Variants in CCSAP observed in about 807,000 individuals in gnomAD.
CCSAP encodes centriole, cilia and spindle-associated protein.
A neutral mutation model predicts 25.9 loss-of-function variants in CCSAP; 17 were observed. That is an observed-to-expected ratio of 0.66 (90% CI 0.45 to 0.99). The LOEUF is 0.99. Ranked by LOEUF, CCSAP falls within the 50% of genes least tolerant of loss-of-function variation. The pLI is 0.00. For missense variants in CCSAP, 339 were observed against 367.8 expected, an observed-to-expected ratio of 0.92 and a Z score of 0.64; for synonymous variants, 169 against 157.1, an observed-to-expected ratio of 1.08 and a Z score of -0.57.
chr1:229,331,795 T>TATC (rs2102694662), intron 2 of CCSAP, among the ~76,000 whole-genome samples: 1 of 95,306 alleles, frequency 1.0e-5, no homozygotes, highest in Admixed American at 9.1e-5. Context: ...CTTTTATTAT[T>TATC]ATTATTATTA....
intron 2 of CCSAP, among the ~76,000 whole-genome samples, chr1:229,339,589 C>A (rs1658282532): frequency 6.6e-6 from 1 of 151,978 alleles, no homozygotes; most frequent in African/African-American, 2.4e-5. Context: ...AAGAGAGAAG[C>A]CAAGAAAGGT....
Position 229,322,813 on chromosome 1 carries a change from TTTAA to T in CCSAP, c.*2418_*2421del, listed in dbSNP as rs1170685013. On this transcript the variant is annotated 3_prime_UTR_variant, in exon 4 of 4. Coordinates refer to ENST00000284617, the MANE Select transcript of CCSAP (RefSeq NM_145257.5). ...TCAAAAAGCATATTTATGACATTGT[TTTAA>T]TTAAGTTAAAATCAAAATTTTAAAA... is the stretch of plus-strand genomic sequence containing the variant. 4 of 152,354 alleles carry T rather than the reference TTTAA, an allele frequency of 2.6e-5. No homozygotes were observed. Among genetic ancestry groups the T allele is most frequent in the South Asian group, 4.1e-4 (2 of 4,826 alleles). 9.4% of individuals were successfully genotyped at this position (152,354 alleles called of 1,614,324 possible).
rs1332069751 is a variant in CCSAP, at chr1:229,321,107, C to T, written c.*4128G>A. 2 of 152,128 alleles carry T rather than the reference C, an allele frequency of 1.3e-5. No homozygotes were observed. Among genetic ancestry groups the T allele is most frequent in the East Asian group, 1.9e-4 (1 of 5,198 alleles). 9.4% of individuals were successfully genotyped at this position (152,128 alleles called of 1,614,324 possible). On this transcript the variant is annotated 3_prime_UTR_variant, in exon 4 of 4. Coordinates refer to ENST00000284617, the MANE Select transcript of CCSAP (RefSeq NM_145257.5). ...ACATAGTTCTTAGAAAATACAACCC[C>T]GAATTATTGTGTGGCCTGGGCTTTG...
At position 229,342,118 on chromosome 1, in the gene CCSAP, C is replaced by T. The variant is rs756375007; in HGVS notation, c.348G>A (p.Ala116=). The T allele has an allele frequency of 1.6e-5, 22 of 1,347,660 alleles. No individual in the cohort carries two copies. The highest frequency in any genetic ancestry group is 2.0e-5 in the Non-Finnish European group (21 of 1,051,900). The allele number at this position is 1,347,660 out of a possible 1,614,324, so 83.5% of individuals were successfully genotyped here. The change falls in exon 2 of 4, where the codon GCG becomes GCA. Residue 116 remains alanine (A), a synonymous_variant. Transcript: ENST00000284617. The surrounding 1 kb of genome is among the most constrained non-coding windows in gnomAD (Gnocchi z 7.5). ...AEAGDAEAED[A]EDAALPALPV... ...GGGTACCTGGCAGAGCCGCGTCCTC[C>T]GCGTCCTCGGCCTCCGCGTCCCCGG...
chr1:229,325,828 G>A (rs1247858068), intron 3 of CCSAP, among the ~76,000 whole-genome samples: 3 of 152,164 alleles, frequency 2.0e-5, no homozygotes, highest in Admixed American at 6.5e-5. Flanking sequence ...AAGACATCTC[G>A]AGATTTTACC....
rs2102690696 is a variant in CCSAP at position 229,325,332 on chromosome 1, T to C, written c.716A>G (p.His239Arg). The change falls in exon 4 of 4, where the codon CAC becomes CGC. Residue 239 changes from histidine (H) to arginine (R), a missense_variant. His to Arg is a conservative substitution (Grantham distance 29). Coordinates refer to ENST00000284617, the MANE Select transcript of CCSAP (RefSeq NM_145257.5). ...RKLVAQRQRA[H>R]SVDVEKNRKM... Reference sequence around the variant, plus strand: ...TCTGTTCTTCTCCACATCCACAGAGTGAGCTCGCTGCCTTTGAGCAACCAG... The same window carrying C: ...TCTGTTCTTCTCCACATCCACAGAGCGAGCTCGCTGCCTTTGAGCAACCAG... 6.2e-7 allele frequency: 1 copy of C among 1,614,224 alleles called. No homozygotes were observed. The highest frequency in any genetic ancestry group is 8.5e-7 in the Non-Finnish European group (1 of 1,180,026).
chr1:229,325,097 T>C lies in CCSAP; in HGVS notation c.*138A>G. ...ATATTCATCAAAATAAAACAATCTT[T>C]TACAAATTCCCTAAAAAAAACCTTG... On this transcript the variant is annotated 3_prime_UTR_variant, in exon 4 of 4. Coordinates refer to ENST00000284617, the MANE Select transcript of CCSAP (RefSeq NM_145257.5). 2 of 820,058 alleles carry C rather than the reference T, an allele frequency of 2.4e-6. No homozygotes were observed. Among genetic ancestry groups the C allele is most frequent in the Non-Finnish European group, 3.7e-6 (2 of 538,880 alleles). The allele number at this position is 820,058 out of a possible 1,614,324, so 50.8% of individuals were successfully genotyped here. A position where few individuals can be genotyped will look rare whatever the true frequency, so the allele number is the denominator to read the frequency against.
chr1:229,341,988 A>G, intron 2 of CCSAP, 111 bp downstream of exon 2: 1 of 1,220,590 alleles, frequency 8.2e-7, no homozygotes, highest in Non-Finnish European at 1.0e-6. Context: ...GAAAAAAAAA[A>G]AAGGAAGAGC....
In CCSAP at chr1:229,342,720, C is replaced by A. The variant is rs983232136; in HGVS notation, c.-49+192G>T. 6.6e-6 allele frequency among the ~76,000 whole-genome samples: 1 copy of A among 151,956 alleles called. No individual in the cohort carries two copies. The highest frequency in any genetic ancestry group is 1.5e-5 in the Non-Finnish European group (1 of 67,944). On this transcript the variant is annotated intron_variant, in intron 1 of 3. Transcript: ENST00000284617. The surrounding 1 kb of genome is among the most constrained non-coding windows in gnomAD (Gnocchi z 7.5). ...CCGGGGCTGCTGGGGTCGAGGGGCG[C>A]GCCGCCGAGGAGGGCTGCTCAGTGG...
chr1:229,339,622 C>T (rs1658283026), intron 2 of CCSAP, among the ~76,000 whole-genome samples: 1 of 152,174 alleles, frequency 6.6e-6, no homozygotes, highest in East Asian at 1.9e-4. Context: ...GCCAAGGGCC[C>T]TCCCAAGATG....
chr1:229,340,222 C>T (rs1658298342), intron 2 of CCSAP, among the ~76,000 whole-genome samples: 1 of 152,216 alleles, frequency 6.6e-6, no homozygotes. Flanking sequence ...GCAAGCAACA[C>T]AGGAGTCAAG....
At chr1:229,336,432 C>A (rs561422503) in intron 2 of CCSAP, among the ~76,000 whole-genome samples, 1 of 152,020 alleles carries the variant, frequency 6.6e-6, no homozygotes, top group Non-Finnish European at 1.5e-5. Context: ...GACCCCTCCT[C>A]GGCACCTTCC....
At position 229,342,090 on chromosome 1, in the gene CCSAP, G is replaced by C; in HGVS notation, c.367+9C>G. On this transcript the variant is annotated intron_variant, in intron 2 of 3. Coordinates refer to ENST00000284617, the MANE Select transcript of CCSAP (RefSeq NM_145257.5). This position sits in a 1 kb window ranked among gnomAD's most constrained non-coding sequence, Gnocchi z 7.5. ...GCAGGCCCCTCGCGCTCCCCTCCGG[G>C]CCGGGTACCTGGCAGAGCCGCGTCC... The C allele has an allele frequency of 7.5e-7, 1 of 1,337,434 alleles. No individual in the cohort carries two copies. Among genetic ancestry groups the C allele is most frequent in the African/African-American group, 1.5e-5 (1 of 66,328 alleles). 82.8% of individuals were successfully genotyped at this position (1,337,434 alleles called of 1,614,324 possible).
intron 2 of CCSAP, among the ~76,000 whole-genome samples, chr1:229,332,465 G>A (rs1658092683): frequency 6.6e-6 from 1 of 152,206 alleles, no homozygotes; most frequent in African/African-American, 2.4e-5. Flanking sequence ...TGTGACAACA[G>A]AGGAAAGAGT....
At chr1:229,326,506 T>G (rs1657943802) in intron 3 of CCSAP, among the ~76,000 whole-genome samples, 1 of 152,194 alleles carries the variant, frequency 6.6e-6, no homozygotes, top group Non-Finnish European at 1.5e-5. Flanking sequence ...TAAACTCTTC[T>G]GGGTAACTCC....
At chr1:229,332,754 T>C (rs1424273681) in intron 2 of CCSAP, among the ~76,000 whole-genome samples, 1 of 152,210 alleles carries the variant, frequency 6.6e-6, no homozygotes, top group Non-Finnish European at 1.5e-5. Context: ...AAAGATTCAG[T>C]TCCTCAAGTT....
chr1:229,340,490 C>T, intron 2 of CCSAP: 1 of 710,274 alleles, frequency 1.4e-6, no homozygotes, highest in Non-Finnish European at 2.6e-6. Flanking sequence ...AACTCCATCA[C>T]AAACAATAAA....
At chr1:229,325,719 G>C (rs1657925342) in intron 3 of CCSAP, among the ~76,000 whole-genome samples, 1 of 152,206 alleles carries the variant, frequency 6.6e-6, no homozygotes, top group African/African-American at 2.4e-5. Context: ...TGTCCGAACT[G>C]CTTAGCATTA....
chr1:229,342,269 G>A lies in CCSAP; in HGVS notation c.197C>T (p.Ser66Leu), dbSNP rs1192538330. The change falls in exon 2 of 4, where the codon TCG (serine) becomes TTG (leucine). Residue 66 changes from serine to leucine, a missense_variant. Ser to Leu is a moderately radical substitution (Grantham distance 145, BLOSUM62 -2). Coordinates refer to ENST00000284617, the MANE Select transcript of CCSAP (RefSeq NM_145257.5). This position sits in a 1 kb window ranked among gnomAD's most constrained non-coding sequence, Gnocchi z 7.5. Reference sequence around the variant, plus strand: ...GGGTGCGGGGCCCCCGGCGCCCGACGACTCTGACGACGCCGAGTCCTCCGA... The same window carrying A: ...GGGTGCGGGGCCCCCGGCGCCCGACAACTCTGACGACGCCGAGTCCTCCGA... ...GSSEDSASSE[S>L]SGAGGPAPRC... is the part of the protein sequence containing the mutation. 1 of 1,312,824 alleles carries A rather than the reference G, an allele frequency of 7.6e-7. No individual in the cohort carries two copies. The highest frequency in any genetic ancestry group is 9.7e-7 in the Non-Finnish European group (1 of 1,033,274). 81.3% of individuals were successfully genotyped at this position (1,312,824 alleles called of 1,614,324 possible). A position where few individuals can be genotyped will look rare whatever the true frequency, so the allele number is the denominator to read the frequency against.
Sources: allele counts gnomAD v4.1 joint callset (sites outside exome capture counted in the v4.1 genomes callset), GRCh38; gene constraint gnomAD v4.1.1; non-coding constraint Gnocchi (gnomAD v3.1); transcripts MANE v1.5; gene names NCBI Gene and HGNC (gene_info 2026-07-23, HGNC 2026-07-21).